The following SHOC2 variants were observed in gnomAD, a reference collection of about 807,000 sequenced individuals.
The protein encoded by SHOC2 is leucine-rich repeat protein SHOC-2.
Under a neutral mutation model 50.2 loss-of-function variants are expected in SHOC2, and 4 were observed. That is an observed-to-expected ratio of 0.08 (90% CI 0.04 to 0.18). The LOEUF is 0.18. Among genes scored for constraint, SHOC2 ranks in the 10% least tolerant of loss-of-function variants. The probability of loss-of-function intolerance (pLI) is 1.00; values close to 1 mark genes in which losing one functional copy is unlikely to be tolerated. For synonymous variants in SHOC2, 218 were observed against 244.5 expected (o/e 0.89, Z 1.01); for missense variants, 388 against 669.6 (o/e 0.58, Z 4.64).
In SHOC2 at chr10:110,926,346, A is replaced by T. The variant is rs950675719; in HGVS notation, c.-235+6689A>T. ...TTTAGATGAATAGTCTACAGCTCCA[A>T]AACAAACTGAACAGGCCCAAAGGAA... is the stretch of plus-strand genomic sequence containing the variant. On this transcript the variant is annotated intron_variant, in intron 1 of 8. Transcript: ENST00000369452. Among the ~76,000 whole-genome samples, 5 of 152,208 alleles carry T rather than the reference A, an allele frequency of 3.3e-5. No homozygotes were observed. In the East Asian group the frequency reaches 7.7e-4, roughly 23 times the overall value.
At chr10:111,004,905 G>A (rs1848440568) in intron 5 of SHOC2, 111 bp downstream of exon 5, 5 of 738,232 alleles carry the variant, frequency 6.8e-6, no homozygotes, top group Non-Finnish European at 9.5e-6. Context: ...CTTGCTGATG[G>A]GTCTAAACTG....
At chr10:110,969,830 C>CTT (rs1015843565) in intron 2 of SHOC2, among the ~76,000 whole-genome samples, 1 of 152,000 alleles carries the variant, frequency 6.6e-6, no homozygotes, top group African/African-American at 2.4e-5. Context: ...AAAGTATATG[C>CTT]TTTTTGAGAA....
intron 1 of SHOC2, among the ~76,000 whole-genome samples, chr10:110,956,789 A>G (rs938692734): frequency 2.0e-5 from 3 of 152,080 alleles, no homozygotes; most frequent in Admixed American, 6.5e-5. Context: ...GAAAAAATAA[A>G]TGATTGGGCC....
intron 1 of SHOC2, among the ~76,000 whole-genome samples, chr10:110,962,816 G>T (rs970370366): frequency 1.3e-5 from 2 of 152,140 alleles, no homozygotes; most frequent in Non-Finnish European, 2.9e-5. Context: ...CCTAAGTCCT[G>T]TATGCTTTTC....
At chr10:110,956,667 T>C (rs1448949976) in intron 1 of SHOC2, among the ~76,000 whole-genome samples, 1 of 152,252 alleles carries the variant, frequency 6.6e-6, no homozygotes, top group Non-Finnish European at 1.5e-5. Context: ...GATAGTCTTG[T>C]ATAAAATGAA....
chr10:110,954,732 A>C (rs747744665), intron 1 of SHOC2, among the ~76,000 whole-genome samples: 1 of 152,216 alleles, frequency 6.6e-6, no homozygotes, highest in Non-Finnish European at 1.5e-5. Flanking sequence ...AACAGGATAG[A>C]TGGTCAGAGA....
At chr10:110,953,648 C>G (rs1351474961) in intron 1 of SHOC2, among the ~76,000 whole-genome samples, 3 of 151,840 alleles carry the variant, frequency 2.0e-5, no homozygotes, top group Middle Eastern at 3.2e-3. Context: ...TACCAAGGAG[C>G]ACAATTGATG....
chr10:110,943,628 A>G (rs759642713), intron 1 of SHOC2, among the ~76,000 whole-genome samples: 17 of 152,068 alleles, frequency 1.1e-4, no homozygotes, highest in Non-Finnish European at 2.1e-4. Context: ...TGTGTCTTCA[A>G]CTCCAGGGCG....
At chr10:110,999,799 C>T (rs930790106) in intron 3 of SHOC2, among the ~76,000 whole-genome samples, 11 of 147,654 alleles carry the variant, frequency 7.4e-5, no homozygotes, top group African/African-American at 2.7e-4. Flanking sequence ...TTTATTTATT[C>T]GATAATGACT....
intron 2 of SHOC2, among the ~76,000 whole-genome samples, chr10:110,983,479 C>G (rs529059922): frequency 1.3e-5 from 2 of 152,202 alleles, no homozygotes; most frequent in African/African-American, 4.8e-5. Flanking sequence ...TTAGCACTAG[C>G]TTAGCTATGT....
intron 1 of SHOC2, among the ~76,000 whole-genome samples, chr10:110,932,770 C>T (rs1215090929): frequency 6.6e-6 from 1 of 152,142 alleles, no homozygotes; most frequent in Non-Finnish European, 1.5e-5. Flanking sequence ...TGTGTATAAG[C>T]TTTCAGGCAA....
intron 1 of SHOC2, among the ~76,000 whole-genome samples, chr10:110,942,590 G>A (rs1012450596): frequency 2.0e-5 from 3 of 152,160 alleles, no homozygotes; most frequent in African/African-American, 7.2e-5. Flanking sequence ...CTGAAGAGCC[G>A]CACGTTCTCC....
chr10:110,922,445 C>T (rs1846672882), intron 1 of SHOC2, among the ~76,000 whole-genome samples: 2 of 18,922 alleles, frequency 1.1e-4, no homozygotes. Flanking sequence ...TGGAAGACTT[C>T]TTTAAACTTC....
At position 110,985,657 on chromosome 10, in the gene SHOC2, G is replaced by A. The variant is rs761636280; in HGVS notation, c.733G>A (p.Val245Ile). Reference sequence around the variant, plus strand: ...ATTATGTAACCTCATTACGCTGGATGTAGCTCACAATCAACTTGAACACCT... The same window carrying A: ...ATTATGTAACCTCATTACGCTGGATATAGCTCACAATCAACTTGAACACCT... The part of the protein sequence containing the change: ...GELCNLITLD[V>I]AHNQLEHLPK... Residue 245 changes from valine (V) to isoleucine (I), a missense_variant, in exon 3 of 9, where the codon GTA (valine) becomes ATA (isoleucine). By Grantham distance (29) the Val-to-Ile change is conservative. Around this residue, in one of 5 missense-constraint regions of SHOC2, gnomAD observed 88 missense variants for 147.2 expected, o/e 0.60. Transcript: ENST00000369452. The A allele has an allele frequency of 5.6e-6, 9 of 1,611,732 alleles. No individual in the cohort carries two copies. Among genetic ancestry groups the A allele is most frequent in the Admixed American group, 1.7e-5 (1 of 59,876 alleles).
intron 3 of SHOC2, among the ~76,000 whole-genome samples, chr10:110,990,719 C>T (rs539738709): frequency 5.9e-5 from 9 of 151,864 alleles, no homozygotes; most frequent in African/African-American, 9.7e-5. Context: ...TTTGTTCTTT[C>T]GCTCTTTGCA....
chr10:110,988,225 T>C (rs1020044588), intron 3 of SHOC2, among the ~76,000 whole-genome samples: 3 of 152,130 alleles, frequency 2.0e-5, no homozygotes, highest in Non-Finnish European at 4.4e-5. Context: ...GGTTTCAGGG[T>C]AATGCTGGCT....
intron 1 of SHOC2, among the ~76,000 whole-genome samples, chr10:110,959,233 T>A (rs1847527984): frequency 6.6e-6 from 1 of 152,196 alleles, no homozygotes; most frequent in South Asian, 2.1e-4. Flanking sequence ...CGTGTTATAT[T>A]TTTGACTCGG....
rs1449495369 is a variant in SHOC2 at position 111,012,764 on chromosome 10, CTT to C, written c.*948_*949del. On this transcript the variant is annotated 3_prime_UTR_variant, in exon 9 of 9. Transcript: ENST00000369452. ...TTATATCATAAACTACAGTAGGTAA[CTT>C]TAAGGATTTCTTCCTATCCTTGTAC... 6.6e-6 allele frequency: 1 copy of C among 152,550 alleles called. No individual in the cohort carries two copies. Among genetic ancestry groups the C allele is most frequent in the African/African-American group, 2.4e-5 (1 of 41,440 alleles). 9.4% of individuals were successfully genotyped at this position (152,550 alleles called of 1,614,324 possible).
intron 1 of SHOC2, chr10:110,936,541 T>G (rs2134083855): frequency 3.1e-6 from 2 of 638,856 alleles, no homozygotes; most frequent in East Asian, 5.5e-5. Flanking sequence ...TTTATCTTGA[T>G]TAGTCTGCAT....
Sources: allele counts gnomAD v4.1 joint callset (sites outside exome capture counted in the v4.1 genomes callset), GRCh38; gene constraint gnomAD v4.1.1; regional missense constraint gnomAD v4.1.1; transcripts MANE v1.5; gene names NCBI Gene and HGNC (gene_info 2026-07-23, HGNC 2026-07-21).